The following SPPL3 variants were observed in gnomAD, a reference collection of about 807,000 sequenced individuals.
The protein encoded by SPPL3 is signal peptide peptidase like 3.
A neutral mutation model predicts 42.4 loss-of-function variants in SPPL3; 5 were observed. That is an observed-to-expected ratio of 0.12 (90% CI 0.06 to 0.25). SPPL3 has a LOEUF of 0.25. Among genes scored for constraint, SPPL3 ranks in the 10% least tolerant of loss-of-function variants. The pLI, the probability that SPPL3 is intolerant of heterozygous loss-of-function variation, is 1.00. For synonymous variants in SPPL3, 195 were observed against 181.8 expected (o/e 1.07, Z -0.58); for missense variants, 235 against 489.0 (o/e 0.48, Z 4.90).
intron 2 of SPPL3, among the ~76,000 whole-genome samples, chr12:120,801,503 C>T (rs1184052188): frequency 2.0e-5 from 3 of 151,778 alleles, no homozygotes; most frequent in Non-Finnish European, 4.4e-5. Flanking sequence ...TATTAATCTG[C>T]TATTTGTCAG....
chr12:120,850,489 C>CT (rs1314518467), intron 1 of SPPL3, among the ~76,000 whole-genome samples: 3 of 51,478 alleles, frequency 5.8e-5, no homozygotes, highest in East Asian at 6.1e-4. Flanking sequence ...TGAGACCAGC[C>CT]TTTAAAAAAA....
intron 1 of SPPL3, 59 bp from the exon 2 acceptor site, chr12:120,810,945 C>T (rs574965953): frequency 8.5e-6 from 11 of 1,295,336 alleles, no homozygotes; most frequent in Non-Finnish European, 1.2e-5. Flanking sequence ...ATGGAGCTTA[C>T]AGTCTAATGG....
chr12:120,849,497 G>C (rs1349619703), intron 1 of SPPL3, among the ~76,000 whole-genome samples: 1 of 152,180 alleles, frequency 6.6e-6, no homozygotes, highest in African/African-American at 2.4e-5. Context: ...CCAAGATATA[G>C]CAAATACAGG....
chr12:120,871,132 A>AAAAAAAAG (rs1168993867), intron 1 of SPPL3, among the ~76,000 whole-genome samples: 1 of 141,796 alleles, frequency 7.1e-6, no homozygotes, highest in East Asian at 2.0e-4. Flanking sequence ...TCCGTCTCCA[A>AAAAAAAAG]AAAAAAAAAA....
At chr12:120,795,088 T>C (rs1870053507) in intron 2 of SPPL3, among the ~76,000 whole-genome samples, 1 of 152,198 alleles carries the variant, frequency 6.6e-6, no homozygotes, top group South Asian at 2.1e-4. Context: ...AACCTCACAA[T>C]ATATAATGTT....
At chr12:120,800,391 T>G (rs526345) in intron 2 of SPPL3, among the ~76,000 whole-genome samples, 5,715 of 152,102 alleles carry the variant, frequency 0.038, 369 homozygotes, top group African/African-American at 0.13. Context: ...TAATCCCAGC[T>G]ACTCAGGGGG....
intron 2 of SPPL3, among the ~76,000 whole-genome samples, chr12:120,799,491 T>G (rs1490382832): frequency 6.6e-6 from 1 of 152,158 alleles, no homozygotes; most frequent in African/African-American, 2.4e-5. Flanking sequence ...CAGTTTTAGC[T>G]GGTCCATTTT....
At chr12:120,870,480 A>G (rs536942329) in intron 1 of SPPL3, among the ~76,000 whole-genome samples, 93 of 152,128 alleles carry the variant, frequency 6.1e-4, no homozygotes, top group African/African-American at 1.9e-3. Flanking sequence ...TAAATGCAAA[A>G]ATCAAACTGG....
At chr12:120,902,832 T>C (rs902736256) in intron 1 of SPPL3, among the ~76,000 whole-genome samples, 2 of 152,214 alleles carry the variant, frequency 1.3e-5, no homozygotes, top group African/African-American at 4.8e-5. Flanking sequence ...TCTCCAGCTA[T>C]GACTTCCTTC....
At chr12:120,848,333 G>A (rs10774571) in intron 1 of SPPL3, among the ~76,000 whole-genome samples, 29,585 of 152,116 alleles carry the variant, frequency 0.19, 4,546 homozygotes, top group African/African-American at 0.41. Context: ...CCATAAGATC[G>A]CACTGAGGAC....
rs1347483822 is a variant in SPPL3 at position 120,783,739 on chromosome 12, T to C, written c.324A>G (p.Ile108Met). ...FTICTAVLAT[I>M]AFAFLLLPMC... ...TCGGGAGGAGAAGAAAAGCAAAAGC[T>C]ATCGTTGCAAGAACTAGAGAAAGAA... is the stretch of plus-strand genomic sequence containing the variant. Residue 108 changes from isoleucine to methionine, a missense_variant, in exon 5 of 11, where the codon ATA (isoleucine) becomes ATG (methionine). Around this residue, in one of 6 missense-constraint regions of SPPL3, gnomAD observed 110 missense variants for 186.2 expected, o/e 0.59. Transcript: ENST00000353487. 1 of 1,613,638 alleles carries C rather than the reference T, an allele frequency of 6.2e-7. No individual in the cohort carries two copies. Among genetic ancestry groups the C allele is most frequent in the Non-Finnish European group, 8.5e-7 (1 of 1,179,828 alleles).
intron 1 of SPPL3, among the ~76,000 whole-genome samples, chr12:120,823,224 G>GC (rs1371872491): frequency 7.1e-6 from 1 of 141,680 alleles, no homozygotes; most frequent in Non-Finnish European, 1.6e-5. Context: ...GTGGGGGGTG[G>GC]GGGGGCGGCG....
chr12:120,779,783 T>A (rs1869456795), intron 6 of SPPL3, among the ~76,000 whole-genome samples: 1 of 124,864 alleles, frequency 8.0e-6, no homozygotes, highest in African/African-American at 3.2e-5. Flanking sequence ...AAGACCAGCC[T>A]GGCCAACGTG....
intron 1 of SPPL3, among the ~76,000 whole-genome samples, chr12:120,888,574 T>C (rs573194222): frequency 2.0e-5 from 3 of 152,210 alleles, no homozygotes; most frequent in Non-Finnish European, 2.9e-5. Context: ...AAAAGCTATG[T>C]ATCATTCGAT....
Position 120,904,298 on chromosome 12 carries a change from GCGA to G in SPPL3, c.-434_-432del, listed in dbSNP as rs978372765. On this transcript the variant is annotated 5_prime_UTR_variant, in exon 1 of 11. Transcript: ENST00000353487. ...ACATGGCCGGCGGGCGGAGGCGGCGGCGACTGAGGGGGGCGCTAGGCGATGAGG... is the reference window on the plus strand; with the variant it reads ...ACATGGCCGGCGGGCGGAGGCGGCGGCTGAGGGGGGCGCTAGGCGATGAGG... 1 of 166,768 alleles carries G rather than the reference GCGA, an allele frequency of 6.0e-6. No individual in the cohort carries two copies. Among genetic ancestry groups the G allele is most frequent in the African/African-American group, 2.4e-5 (1 of 41,234 alleles). The allele number at this position is 166,768 out of a possible 1,614,324, so 10.3% of individuals were successfully genotyped here. A position where few individuals can be genotyped will look rare whatever the true frequency, so the allele number is the denominator to read the frequency against.
chr12:120,766,481 C>T, intron 9 of SPPL3, 109 bp from the exon 10 acceptor site: 1 of 841,260 alleles, frequency 1.2e-6, no homozygotes, highest in South Asian at 2.2e-5. Context: ...GTCGTCCATT[C>T]TATGGTTGGG....
At chr12:120,851,095 G>T (rs1316532018) in intron 1 of SPPL3, among the ~76,000 whole-genome samples, 2 of 152,144 alleles carry the variant, frequency 1.3e-5, no homozygotes, top group Non-Finnish European at 2.9e-5. Context: ...AAAATTCTAT[G>T]AAGTATACTT....
At chr12:120,883,308 AAAACAAAC>A (rs948680540) in intron 1 of SPPL3, among the ~76,000 whole-genome samples, 3 of 152,290 alleles carry the variant, frequency 2.0e-5, no homozygotes, top group Admixed American at 1.3e-4. Flanking sequence ...CCCGTCTCAA[AAAACAAAC>A]AAACAAACAA....
chr12:120,888,098 CAG>C (rs997344818), intron 1 of SPPL3, among the ~76,000 whole-genome samples: 5 of 152,262 alleles, frequency 3.3e-5, no homozygotes, highest in Non-Finnish European at 5.9e-5. Context: ...TTTTTTTAGA[CAG>C]AGTCTTGCTC....
Sources: allele counts gnomAD v4.1 joint callset (sites outside exome capture counted in the v4.1 genomes callset), GRCh38; gene constraint gnomAD v4.1.1; regional missense constraint gnomAD v4.1.1; transcripts MANE v1.5; gene names NCBI Gene and HGNC (gene_info 2026-07-23, HGNC 2026-07-21).